KIF26B: variants seen among roughly 807,000 people sequenced by gnomAD.
KIF26B encodes the protein kinesin-like protein KIF26B.
KIF26B carries 63 observed loss-of-function variants against 151.2 expected under a neutral mutation model. That is an observed-to-expected ratio of 0.42 (90% confidence interval 0.34 to 0.51). The LOEUF is 0.51. Ranked by LOEUF, KIF26B falls within the 20% of genes least tolerant of loss-of-function variation. The pLI, the probability that KIF26B is intolerant of heterozygous loss-of-function variation, is 0.07. For synonymous variants in KIF26B, 1,357 were observed against 1,262.1 expected (o/e 1.08, Z -1.59); for missense variants, 2,813 against 2,913.6 (o/e 0.97, Z 0.79).
chr1:245,484,766 C>CTT (rs1558184420), intron 4 of KIF26B, among the ~76,000 whole-genome samples: 2 of 123,252 alleles, frequency 1.6e-5, no homozygotes, highest in Admixed American at 8.7e-5. Flanking sequence ...TCTTCTTCTT[C>CTT]ATATTATTAT....
chr1:245,598,664 C>G (rs571904844), intron 5 of KIF26B, among the ~76,000 whole-genome samples: 56 of 152,258 alleles, frequency 3.7e-4, no homozygotes, highest in Non-Finnish European at 5.6e-4. Flanking sequence ...GAGGCTCTGC[C>G]TCTCTCGGTG....
At chr1:245,522,856 C>T (rs1661159378) in intron 4 of KIF26B, among the ~76,000 whole-genome samples, 1 of 152,214 alleles carries the variant, frequency 6.6e-6, no homozygotes, top group African/African-American at 2.4e-5. Context: ...GCATCCCTTT[C>T]ACCTTGCTCT....
intron 4 of KIF26B, among the ~76,000 whole-genome samples, chr1:245,536,940 C>G (rs1446010252): frequency 6.6e-6 from 1 of 152,182 alleles, no homozygotes; most frequent in African/African-American, 2.4e-5. Context: ...CTCAGAAGCT[C>G]TACAGCATCA....
In KIF26B at chr1:245,686,455, G is replaced by A. The variant is rs757240143; in HGVS notation, c.3472G>A (p.Ala1158Thr). Residue 1158 changes from alanine (A) to threonine (T), a missense_variant, in exon 12 of 15, where the codon GCA (alanine) becomes ACA (threonine). Coordinates refer to ENST00000407071, the MANE Select transcript of KIF26B (RefSeq NM_018012.4). This position sits in a 1 kb window ranked among gnomAD's most constrained non-coding sequence, Gnocchi z 5.6. ...AACTCCTGTCGATGATGAGCAGCAG[G>A]CAGCTACTCCTTCAGAGTCCAAGAA... is the stretch of plus-strand genomic sequence containing the variant. Reference protein sequence around the residue: ...PETPVDDEQQAATPSESKKEI... With the variant: ...PETPVDDEQQTATPSESKKEI... 1.2e-6 allele frequency: 2 copies of A among 1,613,280 alleles called. No homozygotes were observed. The highest frequency in any genetic ancestry group is 2.2e-5 in the South Asian group (2 of 91,086).
chr1:245,219,288 G>A (rs373786961), intron 2 of KIF26B, among the ~76,000 whole-genome samples: 2 of 151,666 alleles, frequency 1.3e-5, no homozygotes, highest in Middle Eastern at 3.2e-3. Flanking sequence ...ACAGGTGCCC[G>A]CCACCACGCG....
chr1:245,254,539 G>C (rs1182437007), intron 2 of KIF26B, among the ~76,000 whole-genome samples: 2 of 152,216 alleles, frequency 1.3e-5, no homozygotes, highest in African/African-American at 2.4e-5. Context: ...GATGAGCTCA[G>C]GTTTTGGGTC....
rs556629603 is a variant in KIF26B, at chr1:245,569,502, C to T, written c.1350+28552C>T. Among the ~76,000 whole-genome samples the T allele has an allele frequency of 1.1e-4, 16 of 152,110 alleles. No individual in the cohort carries two copies. The East Asian group carries it at 2.3e-3, about 22-fold the overall frequency. On this transcript the variant is annotated intron_variant, in intron 5 of 14. Transcript: ENST00000407071. ...GCAGGCACCTGTAATCCCAGCTACTCGGGAGGCTGAGGCAGAATTGCTTGA... is the reference window on the plus strand; with the variant it reads ...GCAGGCACCTGTAATCCCAGCTACTTGGGAGGCTGAGGCAGAATTGCTTGA...
intron 9 of KIF26B, among the ~76,000 whole-genome samples, chr1:245,623,056 G>GT (rs2043683248): frequency 9.5e-5 from 7 of 73,580 alleles, no homozygotes; most frequent in Non-Finnish European, 1.2e-4. Flanking sequence ...TTTTTTTGTT[G>GT]TTTTTTAACA....
chr1:245,505,127 G>A (rs1284264515), intron 4 of KIF26B, among the ~76,000 whole-genome samples: 7 of 151,434 alleles, frequency 4.6e-5, no homozygotes, highest in East Asian at 2.0e-4. Flanking sequence ...TAGTAGAGAC[G>A]GGGTTTCACC....
chr1:245,370,206 G>C (rs1387031669), intron 3 of KIF26B, among the ~76,000 whole-genome samples: 1 of 152,060 alleles, frequency 6.6e-6, no homozygotes, highest in African/African-American at 2.4e-5. Context: ...TCAATTCTGT[G>C]ACCTGCAGTT....
intron 10 of KIF26B, among the ~76,000 whole-genome samples, chr1:245,650,103 G>A (rs970079777): frequency 1.8e-4 from 27 of 152,136 alleles, no homozygotes; most frequent in African/African-American, 6.0e-4. Flanking sequence ...AAGCATGCAG[G>A]GAAGGCAGGG....
At chr1:245,514,048 A>G (rs1381756084) in intron 4 of KIF26B, among the ~76,000 whole-genome samples, 1 of 152,182 alleles carries the variant, frequency 6.6e-6, no homozygotes, top group African/African-American at 2.4e-5. Context: ...ATCGTTAATA[A>G]CAATGCATCG....
At chr1:245,600,695 G>A (rs1300475717) in intron 5 of KIF26B, among the ~76,000 whole-genome samples, 3 of 152,058 alleles carry the variant, frequency 2.0e-5, no homozygotes, top group South Asian at 2.1e-4. Flanking sequence ...GCTTGAGGCT[G>A]GGCGTGGCAC....
At chr1:245,494,645 C>T (rs943153032) in intron 4 of KIF26B, among the ~76,000 whole-genome samples, 5 of 152,184 alleles carry the variant, frequency 3.3e-5, no homozygotes, top group African/African-American at 1.2e-4. Context: ...CCATAATTTA[C>T]TGGCATTATC....
intron 2 of KIF26B, among the ~76,000 whole-genome samples, chr1:245,173,090 A>T (rs1033503577): frequency 3.3e-4 from 50 of 152,230 alleles, no homozygotes; most frequent in African/African-American, 1.2e-3. Flanking sequence ...AGATTCAGGC[A>T]CAGGCTATGA....
rs1364056740 is a variant in KIF26B at position 245,516,765 on chromosome 1, A to G, written c.1167-24002A>G. Among the ~76,000 whole-genome samples the G allele has an allele frequency of 6.6e-6, 1 of 152,228 alleles. No homozygotes were observed. Among genetic ancestry groups the G allele is most frequent in the Non-Finnish European group, 1.5e-5 (1 of 68,046 alleles). On this transcript the variant is annotated intron_variant, in intron 4 of 14. Coordinates refer to ENST00000407071, the MANE Select transcript of KIF26B (RefSeq NM_018012.4). The surrounding 1 kb of genome is among the most constrained non-coding windows in gnomAD (Gnocchi z 4.2). ...CATAAATCTGTAAGCTCCTTGCTTAAGTAATACGCTCCTTGACGGCCAAAA... is the reference window on the plus strand; with the variant it reads ...CATAAATCTGTAAGCTCCTTGCTTAGGTAATACGCTCCTTGACGGCCAAAA...
chr1:245,642,608 C>T (rs1207842345), intron 9 of KIF26B, among the ~76,000 whole-genome samples: 1 of 150,932 alleles, frequency 6.6e-6, no homozygotes, highest in Non-Finnish European at 1.5e-5. Context: ...GGCATACCTG[C>T]CACATTGGCT....
intron 10 of KIF26B, among the ~76,000 whole-genome samples, chr1:245,677,745 T>C (rs1387250857): frequency 2.0e-5 from 3 of 152,240 alleles, no homozygotes; most frequent in Non-Finnish European, 2.9e-5. Context: ...GACAGCGAGA[T>C]CATCAAGTCC....
At chr1:245,249,670 A>T (rs1558361431) in intron 2 of KIF26B, among the ~76,000 whole-genome samples, 1 of 151,930 alleles carries the variant, frequency 6.6e-6, no homozygotes, top group Non-Finnish European at 1.5e-5. Context: ...TTTAGTAGAG[A>T]TGGGGTTTCA....
Sources: gnomAD v4.1 joint callset for allele counts (sites outside exome capture counted in the v4.1 genomes callset) on GRCh38, gnomAD v4.1.1 for gene constraint, Gnocchi (gnomAD v3.1) non-coding constraint, MANE v1.5 for transcripts, NCBI Gene and HGNC (gene_info 2026-07-23, HGNC 2026-07-21) for gene names.